Variants in PKIA observed in about 807,000 individuals in gnomAD.
PKIA encodes PKI-alpha.
PKIA carries 4 observed loss-of-function variants against 7.6 expected under a neutral mutation model. The ratio of observed to expected loss-of-function variants is 0.52; its 90% CI spans 0.26 to 1.20. The LOEUF (loss-of-function observed/expected upper bound fraction) is 1.20, where lower values mean the gene tolerates loss of function less well. PKIA is among the 50% of genes most tolerant of loss of function. The pLI, the probability that PKIA is intolerant of heterozygous loss-of-function variation, is 0.13. For missense variants in PKIA, 73 were observed against 86.2 expected, an observed-to-expected ratio of 0.85 and a Z score of 0.61; for synonymous variants, 21 against 30.7, an observed-to-expected ratio of 0.68 and a Z score of 1.04.
intron 1 of PKIA, among the ~76,000 whole-genome samples, chr8:78,523,062 GA>G (rs1809447265): frequency 6.6e-6 from 1 of 151,870 alleles, no homozygotes; most frequent in Admixed American, 6.6e-5. Context: ...CAGGAGAGGA[GA>G]AACAGAAGGC....
intron 1 of PKIA, among the ~76,000 whole-genome samples, chr8:78,562,486 C>G (rs1383337202): frequency 6.6e-6 from 1 of 152,150 alleles, no homozygotes; most frequent in African/African-American, 2.4e-5. Context: ...ACTTATAGGC[C>G]TCAAGTGCTC....
At chr8:78,591,295 C>A (rs1340166471) in intron 2 of PKIA, 1 of 152,654 alleles carries the variant, frequency 6.6e-6, no homozygotes, top group Non-Finnish European at 1.5e-5. Flanking sequence ...TAAGTACATG[C>A]TTTTCATAGC....
intron 1 of PKIA, among the ~76,000 whole-genome samples, chr8:78,536,681 T>C (rs1311266851): frequency 6.6e-6 from 1 of 152,108 alleles, no homozygotes; most frequent in African/African-American, 2.4e-5. Context: ...ATCTTCTTTT[T>C]TGAACTTTGG....
At chr8:78,534,510 G>A (rs997609056) in intron 1 of PKIA, 2 of 151,988 alleles carry the variant, frequency 1.3e-5, no homozygotes, top group African/African-American at 4.8e-5. Context: ...TGCTTCCAAC[G>A]CTAAAGGTAT....
At chr8:78,557,556 AAAAGGAAAAAGAG>A (rs1807171006) in intron 1 of PKIA, among the ~76,000 whole-genome samples, 1 of 152,216 alleles carries the variant, frequency 6.6e-6, no homozygotes, top group African/African-American at 2.4e-5. Context: ...ACATGGGAAA[AAAAGGAAAAAGAG>A]AAAGGAAATG....
chr8:78,532,104 T>C (rs1356909537), intron 1 of PKIA, among the ~76,000 whole-genome samples: 1 of 152,120 alleles, frequency 6.6e-6, no homozygotes, highest in East Asian at 1.9e-4. Context: ...TGGGGGTTTG[T>C]TGTACAAATT....
chr8:78,575,894 T>C (rs1585912847), intron 2 of PKIA, among the ~76,000 whole-genome samples: 1 of 152,012 alleles, frequency 6.6e-6, no homozygotes, highest in Non-Finnish European at 1.5e-5. Context: ...GATTTTATTT[T>C]TACACAGTTC....
chr8:78,536,433 G>T (rs1342748279), intron 1 of PKIA, among the ~76,000 whole-genome samples: 1 of 152,086 alleles, frequency 6.6e-6, no homozygotes, highest in African/African-American at 2.4e-5. Flanking sequence ...TCTGGAAGTA[G>T]TGAGCACAAA....
At chr8:78,548,587 T>A (rs77233518) in intron 1 of PKIA, among the ~76,000 whole-genome samples, 7,980 of 152,170 alleles carry the variant, frequency 0.052, 619 homozygotes, top group African/African-American at 0.17. Flanking sequence ...TTGGAAAGTA[T>A]TTTGTGGAAA....
chr8:78,582,345 G>C (rs1183851806), intron 2 of PKIA, among the ~76,000 whole-genome samples: 1 of 151,992 alleles, frequency 6.6e-6, no homozygotes, highest in Non-Finnish European at 1.5e-5. Context: ...TAAAATCATG[G>C]TGGAAGGCAC....
At chr8:78,539,864 C>T (rs1806630768) in intron 1 of PKIA, among the ~76,000 whole-genome samples, 3 of 151,954 alleles carry the variant, frequency 2.0e-5, no homozygotes, top group Admixed American at 2.0e-4. Flanking sequence ...GAAGATTTCT[C>T]TAATTGCATA....
intron 1 of PKIA, among the ~76,000 whole-genome samples, chr8:78,545,898 T>C (rs1463690878): frequency 6.6e-6 from 1 of 152,214 alleles, no homozygotes; most frequent in Non-Finnish European, 1.5e-5. Context: ...TTAAGCTGAA[T>C]TGTCATCTTA....
chr8:78,585,116 T>G (rs1219470773), intron 2 of PKIA, among the ~76,000 whole-genome samples: 1 of 152,022 alleles, frequency 6.6e-6, no homozygotes, highest in African/African-American at 2.4e-5. Context: ...ATAAAAAATT[T>G]TTTTATTTTG....
intron 1 of PKIA, among the ~76,000 whole-genome samples, chr8:78,526,983 CTG>C (rs1806252390): frequency 6.6e-6 from 1 of 151,960 alleles, no homozygotes; most frequent in Non-Finnish European, 1.5e-5. Flanking sequence ...AGTACAAAAA[CTG>C]TGTAGGACCT....
intron 1 of PKIA, among the ~76,000 whole-genome samples, chr8:78,524,442 G>T (rs1291649678): frequency 6.6e-6 from 1 of 151,418 alleles, no homozygotes; most frequent in Non-Finnish European, 1.5e-5. Context: ...TGGGGAAATG[G>T]CTTTCTTCAA....
At chr8:78,567,794 G>A (rs1017576410) in intron 1 of PKIA, among the ~76,000 whole-genome samples, 1 of 152,160 alleles carries the variant, frequency 6.6e-6, no homozygotes. Context: ...ACGCCAGTAA[G>A]AATCTGTGGA....
intron 1 of PKIA, among the ~76,000 whole-genome samples, chr8:78,521,735 C>A (rs868412618): frequency 6.6e-6 from 1 of 151,664 alleles, no homozygotes; most frequent in African/African-American, 2.4e-5. Flanking sequence ...GTAAAATATA[C>A]GTAACATTTA....
chr8:78,578,339 A>T lies in PKIA; in HGVS notation c.-28+5400A>T, dbSNP rs1807725004. On this transcript the variant is annotated intron_variant, in intron 2 of 3. Coordinates refer to ENST00000396418, the MANE Select transcript of PKIA (RefSeq NM_006823.4). The stretch of plus-strand genomic sequence containing the variant: ...TCAAATATTTTCCCCTGAAATTGAT[A>T]TTAAACTGTAATCATTCATCTTCAC... Among the ~76,000 whole-genome samples the T allele has an allele frequency of 2.0e-5, 3 of 152,030 alleles. No individual in the cohort carries two copies. In the South Asian group the frequency reaches 6.2e-4, roughly 31 times the overall value.
chr8:78,541,348 C>T (rs940482686), intron 1 of PKIA, among the ~76,000 whole-genome samples: 5 of 152,048 alleles, frequency 3.3e-5, no homozygotes, highest in African/African-American at 7.2e-5. Flanking sequence ...AAGCTAAACC[C>T]ACCTCAAAGA....
Sources: allele counts gnomAD v4.1 joint callset (sites outside exome capture counted in the v4.1 genomes callset), GRCh38; gene constraint gnomAD v4.1.1; transcripts MANE v1.5; gene names NCBI Gene and HGNC (gene_info 2026-07-23, HGNC 2026-07-21).